Variants in MAF observed in about 807,000 individuals in gnomAD.
The protein encoded by MAF is transcription factor Maf.
In MAF, 10 loss-of-function variants were observed where a neutral mutation model predicts 22.0. The observed-to-expected ratio is 0.45, with a 90% CI of 0.28 to 0.77. The LOEUF (loss-of-function observed/expected upper bound fraction) is 0.77, where lower values mean the gene tolerates loss of function less well. Among genes scored for constraint, MAF ranks in the 30% least tolerant of loss-of-function variants. The pLI is 0.12. For missense variants in MAF, 544 were observed against 548.4 expected (o/e 0.99, Z 0.08); for synonymous variants, 337 against 255.8 (o/e 1.32, Z -3.03).
chr16:79,523,815 T>C, the MAF span, among the ~76,000 whole-genome samples: 6 of 152,204 alleles, frequency 3.9e-5, no homozygotes, highest in Admixed American at 3.3e-4. Flanking sequence ...GCAAAGCCTA[T>C]GGATAGATTC....
At chr16:79,222,839 C>G in the MAF span, among the ~76,000 whole-genome samples, 3 of 152,168 alleles carry the variant, frequency 2.0e-5, no homozygotes, top group African/African-American at 7.2e-5. Flanking sequence ...TATATATGCA[C>G]CCAATACCGG....
the MAF span, chr16:79,211,849 C>A: frequency 2.1e-3 from 3,413 of 1,609,622 alleles, 67 homozygotes; most frequent in Admixed American, 0.04. Context: ...TGTCCCCTCA[C>A]GCAAGTGCCA....
the MAF span, among the ~76,000 whole-genome samples, chr16:79,527,801 C>A: frequency 2.6e-5 from 4 of 152,028 alleles, no homozygotes; most frequent in Admixed American, 1.3e-4. Context: ...AAGATGGTAC[C>A]AGCAACATGT....
At chr16:79,519,031 A>G in the MAF span, among the ~76,000 whole-genome samples, 9 of 152,242 alleles carry the variant, frequency 5.9e-5, no homozygotes, top group Non-Finnish European at 1.2e-4. Flanking sequence ...AGAGCCATGC[A>G]TCTATCACAT....
At chr16:79,296,192 C>T in the MAF span, among the ~76,000 whole-genome samples, 12,955 of 152,162 alleles carry the variant, frequency 0.085, 720 homozygotes, top group Middle Eastern at 0.18. Flanking sequence ...TTATTATATA[C>T]GAAGCAAGTA....
the MAF span, among the ~76,000 whole-genome samples, chr16:79,382,013 G>A: frequency 3.3e-5 from 5 of 152,100 alleles, no homozygotes; most frequent in South Asian, 2.1e-4. Context: ...GACATCCTCC[G>A]CTGCTTCTCT....
chr16:79,241,843 T>A, the MAF span, among the ~76,000 whole-genome samples: 6 of 151,990 alleles, frequency 3.9e-5, no homozygotes, highest in African/African-American at 1.4e-4. Flanking sequence ...ACAGCAAATC[T>A]CTCTGCAAAA....
the MAF span, among the ~76,000 whole-genome samples, chr16:79,456,054 T>G: frequency 6.6e-6 from 1 of 152,074 alleles, no homozygotes; most frequent in African/African-American, 2.4e-5. Context: ...AAAAACAAAT[T>G]AATGTGGACA....
chr16:79,589,450 C>A (rs554544777), downstream of MAF, among the ~76,000 whole-genome samples: 4 of 152,180 alleles, frequency 2.6e-5, no homozygotes, highest in African/African-American at 9.6e-5. Flanking sequence ...TTGCCTTTCT[C>A]TTTTTCCCTC....
the MAF span, among the ~76,000 whole-genome samples, chr16:79,463,935 G>A: frequency 6.7e-6 from 1 of 150,012 alleles, no homozygotes; most frequent in African/African-American, 2.4e-5. Flanking sequence ...TAAGAAGAGT[G>A]TTAGGAGACA....
the MAF span, among the ~76,000 whole-genome samples, chr16:79,569,495 A>G: frequency 1.3e-5 from 2 of 152,216 alleles, no homozygotes; most frequent in African/African-American, 2.4e-5. Flanking sequence ...CAAGTGCTCA[A>G]ATGTGGTCCC....
At chr16:79,483,493 ATG>A in the MAF span, among the ~76,000 whole-genome samples, 1 of 151,320 alleles carries the variant, frequency 6.6e-6, no homozygotes, top group Admixed American at 6.6e-5. Flanking sequence ...AGGGGAAGCA[ATG>A]TTAAATTAAC....
At chr16:79,412,477 A>G in the MAF span, among the ~76,000 whole-genome samples, 3 of 152,306 alleles carry the variant, frequency 2.0e-5, no homozygotes, top group South Asian at 6.2e-4. Context: ...AAGTATCTAA[A>G]TCAAAATTTA....
chr16:79,597,195 T>C (rs1166984505), intron 1 of MAF: 1 of 1,053,522 alleles, frequency 9.5e-7, no homozygotes, highest in Non-Finnish European at 1.1e-6. Flanking sequence ...ATCAATCGTT[T>C]AAAAAATCTA....
At chr16:79,243,669 C>T in the MAF span, among the ~76,000 whole-genome samples, 1 of 152,038 alleles carries the variant, frequency 6.6e-6, no homozygotes, top group African/African-American at 2.4e-5. Context: ...CCCTCTAAAA[C>T]TATTTCAAAC....
chr16:79,297,805 A>G, the MAF span, among the ~76,000 whole-genome samples: 2 of 152,308 alleles, frequency 1.3e-5, no homozygotes, highest in South Asian at 4.1e-4. Context: ...TGGGGAGAAC[A>G]TGGGTTCCCC....
the MAF span, among the ~76,000 whole-genome samples, chr16:79,377,362 G>T: frequency 6.6e-5 from 10 of 152,092 alleles, no homozygotes; most frequent in Admixed American, 3.9e-4. Flanking sequence ...TCGCCCACTT[G>T]TTGATGGGGT....
At chr16:79,498,093 G>A in the MAF span, among the ~76,000 whole-genome samples, 1 of 152,186 alleles carries the variant, frequency 6.6e-6, no homozygotes, top group Non-Finnish European at 1.5e-5. Flanking sequence ...TCATCTGTGG[G>A]ACTCTTTTGC....
the MAF span, among the ~76,000 whole-genome samples, chr16:79,445,426 C>A: frequency 2.0e-5 from 3 of 152,134 alleles, no homozygotes; most frequent in East Asian, 1.9e-4. Context: ...TTACAAGAAC[C>A]CTTTTTACAA....
Sources: gnomAD v4.1 joint callset for allele counts (sites outside exome capture counted in the v4.1 genomes callset) on GRCh38, gnomAD v4.1.1 for gene constraint, MANE v1.5 for transcripts, NCBI Gene and HGNC (gene_info 2026-07-23, HGNC 2026-07-21) for gene names.